Variants in ABI2 observed in about 807,000 individuals in gnomAD.
The protein encoded by ABI2 is abelson interactor 2.
ABI2 carries 25 observed loss-of-function variants against 59.2 expected under a neutral mutation model. That is an observed-to-expected ratio of 0.42 (90% CI 0.31 to 0.59). The LOEUF is 0.59. ABI2 is among the 20% of genes least tolerant of loss of function. The probability of loss-of-function intolerance (pLI) is 0.14; values close to 1 mark genes in which losing one functional copy is unlikely to be tolerated. For synonymous variants in ABI2, 213 were observed against 235.5 expected, an observed-to-expected ratio of 0.90 and a Z score of 0.87; for missense variants, 545 against 681.8, an observed-to-expected ratio of 0.80 and a Z score of 2.23.
intron 6 of ABI2, among the ~76,000 whole-genome samples, chr2:203,395,450 C>CAT (rs1559322916): frequency 8.4e-5 from 4 of 47,596 alleles, no homozygotes; most frequent in Non-Finnish European, 2.8e-4. Context: ...TATATATATA[C>CAT]ACACACACAC....
rs2097023269 is a variant in ABI2 at position 203,396,978 on chromosome 2, G to C, written c.1033+11G>C. On this transcript the variant is annotated intron_variant, in intron 8 of 11. Coordinates refer to ENST00000261018, the MANE Select transcript of ABI2 (RefSeq NM_001375670.1). ...CCACTCCCCCTACAGGTAAGTATTT[G>C]CTTATTCATTGGCAGGCAGATGCAG... 7.0e-7 allele frequency: 1 copy of C among 1,423,154 alleles called. No individual in the cohort carries two copies. The highest frequency in any genetic ancestry group is 9.2e-7 in the Non-Finnish European group (1 of 1,089,192). 88.2% of individuals were successfully genotyped at this position (1,423,154 alleles called of 1,614,324 possible).
intron 9 of ABI2, among the ~76,000 whole-genome samples, chr2:203,409,087 C>A (rs1302749385): frequency 6.6e-6 from 1 of 151,764 alleles, no homozygotes; most frequent in African/African-American, 2.4e-5. Flanking sequence ...ATCCACCCGC[C>A]TCGGCCTCCC....
At chr2:203,418,548 T>C (rs1323094437) in intron 11 of ABI2, among the ~76,000 whole-genome samples, 2 of 152,240 alleles carry the variant, frequency 1.3e-5, no homozygotes, top group South Asian at 2.1e-4. Flanking sequence ...CTGGATCACA[T>C]AGGCTTCTCC....
chr2:203,412,126 A>G (rs954616710), intron 10 of ABI2, among the ~76,000 whole-genome samples: 6 of 152,236 alleles, frequency 3.9e-5, no homozygotes, highest in African/African-American at 1.4e-4. Context: ...AAAGTAGTCC[A>G]GTGTATATAT....
chr2:203,345,922 G>C, intron 1 of ABI2, among the ~76,000 whole-genome samples: 1 of 151,790 alleles, frequency 6.6e-6, no homozygotes, highest in East Asian at 2.0e-4. Context: ...GCTCACGCCT[G>C]TAATCCCAGC....
At chr2:203,350,985 C>T (rs947174253) in intron 1 of ABI2, among the ~76,000 whole-genome samples, 3 of 152,028 alleles carry the variant, frequency 2.0e-5, no homozygotes, top group African/African-American at 7.2e-5. Flanking sequence ...ATAGTTTTAG[C>T]TCTTACATTT....
intron 10 of ABI2, among the ~76,000 whole-genome samples, chr2:203,415,488 G>A (rs1463921048): frequency 2.0e-5 from 3 of 151,904 alleles, no homozygotes; most frequent in African/African-American, 7.2e-5. Flanking sequence ...GTGGTGGCGG[G>A]CGCCTGTAGT....
At chr2:203,390,504 C>T (rs868306972) in intron 4 of ABI2, among the ~76,000 whole-genome samples, 2 of 152,142 alleles carry the variant, frequency 1.3e-5, no homozygotes, top group Middle Eastern at 6.8e-3. Flanking sequence ...TGGTGGCATG[C>T]ACCTGTAGTA....
At chr2:203,392,834 T>A (rs1394447399) in intron 5 of ABI2, among the ~76,000 whole-genome samples, 1 of 152,200 alleles carries the variant, frequency 6.6e-6, no homozygotes, top group African/African-American at 2.4e-5. Context: ...ATGTTTGTTT[T>A]CCTTGTATAT....
At chr2:203,361,366 G>A (rs1167624382) in intron 1 of ABI2, among the ~76,000 whole-genome samples, 1 of 152,224 alleles carries the variant, frequency 6.6e-6, no homozygotes, top group African/African-American at 2.4e-5. Context: ...TGGTGTGGTA[G>A]TGTGTGCCTC....
chr2:203,352,982 AG>A (rs2089833605), intron 1 of ABI2, among the ~76,000 whole-genome samples: 1 of 152,234 alleles, frequency 6.6e-6, no homozygotes, highest in South Asian at 2.1e-4. Flanking sequence ...TTTGTCGTGT[AG>A]GAGCAGTAGG....
At position 203,394,798 on chromosome 2, in the gene ABI2, A is replaced by G; in HGVS notation, c.677A>G (p.Gln226Arg). ...SPTRNMAPSQ[Q>R]SPVRTASVNQ... ...ACCCGTAATATGGCTCCCTCGCAGC[A>G]GAGCCCTGTGAGGACAGCTTCTGTG... Residue 226 changes from glutamine to arginine, a missense_variant, in exon 6 of 12, where the codon CAG becomes CGG. Physicochemically the swap from Gln to Arg is conservative, Grantham distance 43. Transcript: ENST00000261018. 1 of 1,614,186 alleles carries G rather than the reference A, an allele frequency of 6.2e-7. No individual in the cohort carries two copies. Among genetic ancestry groups the G allele is most frequent in the Non-Finnish European group, 8.5e-7 (1 of 1,180,016 alleles).
intron 2 of ABI2, among the ~76,000 whole-genome samples, chr2:203,368,434 T>C (rs2094709242): frequency 1.3e-5 from 2 of 152,092 alleles, no homozygotes; most frequent in Admixed American, 6.6e-5. Context: ...TGCATATTAT[T>C]ATTATTTTTA....
intron 1 of ABI2, among the ~76,000 whole-genome samples, chr2:203,344,524 C>G (rs1198821860): frequency 6.6e-6 from 1 of 150,682 alleles, no homozygotes; most frequent in Non-Finnish European, 1.5e-5. Context: ...TGCCGCCACA[C>G]CCGGCTAATT....
At position 203,391,103 on chromosome 2, in the gene ABI2, A is replaced by G; in HGVS notation, c.538A>G (p.Lys180Glu). The change falls in exon 5 of 12, where the codon AAG (lysine) becomes GAG (glutamate). Residue 180 changes from lysine to glutamate, a missense_variant. Lys to Glu is a moderately conservative substitution (Grantham distance 56, BLOSUM62 1). Around this residue, in one of 4 missense-constraint regions of ABI2, gnomAD observed 410 missense variants for 435.6 expected, o/e 0.94. Transcript: ENST00000261018. ...GLPRTTPPTQ[K>E]PPSPPMSGKG... ...GCCGCGTACAACACCTCCAACTCAGAAGCCCCCTAGTCCCCCTATGTCAGG... is the reference window on the plus strand; with the variant it reads ...GCCGCGTACAACACCTCCAACTCAGGAGCCCCCTAGTCCCCCTATGTCAGG... 6.2e-7 allele frequency: 1 copy of G among 1,613,956 alleles called. No homozygotes were observed. The highest frequency in any genetic ancestry group is 8.5e-7 in the Non-Finnish European group (1 of 1,179,938).
At chr2:203,382,476 G>A (rs570729906) in intron 4 of ABI2, among the ~76,000 whole-genome samples, 9 of 152,206 alleles carry the variant, frequency 5.9e-5, no homozygotes, top group African/African-American at 1.9e-4. Flanking sequence ...TGAATGAATG[G>A]TTATTTTGTA....
In ABI2 at chr2:203,428,774, T is replaced by A. The variant is rs1341730802; in HGVS notation, c.*1422T>A. ...GTGGTCACTGTGATGTTGGGCCAGC[T>A]CCTGTTCAGGTCCAGAGCTGCTAAC... On this transcript the variant is annotated 3_prime_UTR_variant, in exon 12 of 12. Transcript: ENST00000261018. 1 of 152,286 alleles carries A rather than the reference T, an allele frequency of 6.6e-6. No homozygotes were observed. The highest frequency in any genetic ancestry group is 1.9e-4 in the East Asian group (1 of 5,204). 9.4% of individuals were successfully genotyped at this position (152,286 alleles called of 1,614,324 possible).
chr2:203,358,342 C>G (rs944409226), intron 1 of ABI2, among the ~76,000 whole-genome samples: 2 of 151,884 alleles, frequency 1.3e-5, no homozygotes, highest in African/African-American at 4.8e-5. Context: ...GAGACAAGGT[C>G]TTTCTCTGTT....
chr2:203,346,165 G>T (rs2083403267), intron 1 of ABI2, among the ~76,000 whole-genome samples: 1 of 151,656 alleles, frequency 6.6e-6, no homozygotes, highest in Non-Finnish European at 1.5e-5. Flanking sequence ...AAAAAAAATT[G>T]CTTGTAATTC....
Sources: gnomAD v4.1 joint callset for allele counts (sites outside exome capture counted in the v4.1 genomes callset) on GRCh38, gnomAD v4.1.1 for gene constraint, gnomAD v4.1.1 regional missense constraint, MANE v1.5 for transcripts, NCBI Gene and HGNC (gene_info 2026-07-23, HGNC 2026-07-21) for gene names.